The following CNIH3 variants were observed in gnomAD, a reference collection of about 807,000 sequenced individuals.
CNIH3 encodes cornichon family AMPA receptor auxiliary protein 3, also known as protein cornichon homolog 3.
A neutral mutation model predicts 24.1 loss-of-function variants in CNIH3; 14 were observed. The ratio of observed to expected loss-of-function variants is 0.58; its 90% CI spans 0.38 to 0.91. CNIH3 has a LOEUF of 0.91. CNIH3 is among the 40% of genes least tolerant of loss of function. CNIH3 has a pLI of 0.00. For synonymous variants in CNIH3, 68 were observed against 73.8 expected (o/e 0.92, Z 0.40); for missense variants, 178 against 196.8 (o/e 0.90, Z 0.57).
chr1:224,503,738 T>G (rs2124877202), intron 1 of CNIH3, among the ~76,000 whole-genome samples: 1 of 152,348 alleles, frequency 6.6e-6, no homozygotes, highest in Non-Finnish European at 1.5e-5. Context: ...AAAACACAGC[T>G]GTGGCAAGGG....
chr1:224,491,850 C>T (rs1572352727), intron 1 of CNIH3, among the ~76,000 whole-genome samples: 2 of 152,186 alleles, frequency 1.3e-5, no homozygotes, highest in Admixed American at 6.5e-5. Flanking sequence ...TCAAGTGACT[C>T]TCCCACCTCG....
chr1:224,553,386 T>G (rs1037642693), intron 3 of CNIH3, among the ~76,000 whole-genome samples: 1 of 152,116 alleles, frequency 6.6e-6, no homozygotes, highest in African/African-American at 2.4e-5. Context: ...GTGATGCTAC[T>G]TCGCTTGAAA....
At chr1:224,627,989 A>G (rs1158381309) in intron 1 of CNIH3, among the ~76,000 whole-genome samples, 1 of 151,484 alleles carries the variant, frequency 6.6e-6, no homozygotes, top group Non-Finnish European at 1.5e-5. Context: ...AATGGAGGGC[A>G]GGGGCTGTCT....
At chr1:224,465,309 G>A (rs906130680) in intron 1 of CNIH3, among the ~76,000 whole-genome samples, 14 of 152,188 alleles carry the variant, frequency 9.2e-5, no homozygotes, top group African/African-American at 2.2e-4. Flanking sequence ...GGGTTTCTCC[G>A]TGTTGGTCAG....
chr1:224,665,320 C>T (rs761936539), intron 1 of CNIH3, among the ~76,000 whole-genome samples: 1 of 152,126 alleles, frequency 6.6e-6, no homozygotes, highest in African/African-American at 2.4e-5. Flanking sequence ...AAGGAGGTAA[C>T]CTACTTCATC....
intron 3 of CNIH3, among the ~76,000 whole-genome samples, chr1:224,709,144 CTGAG>C (rs1261241839): frequency 3.9e-5 from 6 of 152,318 alleles, no homozygotes; most frequent in East Asian, 3.9e-4. Context: ...ACTTGTGCTC[CTGAG>C]TAAGTGTGGG....
intron 1 of CNIH3, among the ~76,000 whole-genome samples, chr1:224,658,368 G>C (rs1685194860): frequency 6.6e-6 from 1 of 151,310 alleles, no homozygotes; most frequent in Non-Finnish European, 1.5e-5. Flanking sequence ...GTGAGGTTTT[G>C]CCATGTTGCT....
At chr1:224,574,750 A>G in intron 4 of CNIH3, 1 of 1,178,186 alleles carries the variant, frequency 8.5e-7, no homozygotes, top group South Asian at 1.2e-5. Context: ...GACTACCTGG[A>G]CCTCTACCTT....
chr1:224,713,162 A>G (rs1260652747), intron 3 of CNIH3, among the ~76,000 whole-genome samples: 1 of 152,238 alleles, frequency 6.6e-6, no homozygotes, highest in Non-Finnish European at 1.5e-5. Flanking sequence ...GGTATCAAAC[A>G]CACACTGCCC....
At chr1:224,700,634 T>C (rs1410471010) in intron 3 of CNIH3, among the ~76,000 whole-genome samples, 1 of 152,184 alleles carries the variant, frequency 6.6e-6, no homozygotes, top group Non-Finnish European at 1.5e-5. Context: ...TTTATCAAGA[T>C]CAAAAGCAAA....
At chr1:224,503,428 C>T (rs1166432277) in intron 1 of CNIH3, among the ~76,000 whole-genome samples, 1 of 152,146 alleles carries the variant, frequency 6.6e-6, no homozygotes, top group Non-Finnish European at 1.5e-5. Flanking sequence ...CCTGTTTTGA[C>T]CCCACAGGCA....
chr1:224,518,065 C>T (rs74146366), intron 1 of CNIH3, among the ~76,000 whole-genome samples: 5,616 of 152,156 alleles, frequency 0.037, 304 homozygotes, highest in African/African-American at 0.12. Context: ...GAGTGCTGTT[C>T]ATTTCTAGTG....
intron 1 of CNIH3, among the ~76,000 whole-genome samples, chr1:224,495,126 C>A (rs113537891): frequency 0.07 from 10,666 of 152,222 alleles, 1,215 homozygotes; most frequent in African/African-American, 0.24. Flanking sequence ...CCGTGGTAGG[C>A]AGGGGAGACC....
chr1:224,625,707 T>C (rs1572611086), intron 1 of CNIH3, among the ~76,000 whole-genome samples: 1 of 152,044 alleles, frequency 6.6e-6, no homozygotes, highest in Non-Finnish European at 1.5e-5. Flanking sequence ...TGGTTGAAGG[T>C]GTGGAGGAGG....
intron 2 of CNIH3, among the ~76,000 whole-genome samples, chr1:224,524,472 A>G (rs1218274590): frequency 2.0e-5 from 3 of 152,180 alleles, no homozygotes; most frequent in Non-Finnish European, 4.4e-5. Context: ...GTATCAAACT[A>G]TGAATTGCTA....
chr1:224,681,563 G>T (rs1686406586), intron 2 of CNIH3, among the ~76,000 whole-genome samples: 1 of 152,182 alleles, frequency 6.6e-6, no homozygotes, highest in Non-Finnish European at 1.5e-5. Flanking sequence ...CCTGGTCTGG[G>T]TTCGGGAAGT....
Position 224,703,254 on chromosome 1 carries a change from G to T in CNIH3, c.198+18411G>T, listed in dbSNP as rs1483548189. Among the ~76,000 whole-genome samples, 1 of 152,182 alleles carries T rather than the reference G, an allele frequency of 6.6e-6. No homozygotes were observed. Among genetic ancestry groups the T allele is most frequent in the African/African-American group, 2.4e-5 (1 of 41,462 alleles). ...GGGCCTGCACTCATGAGGGCAGAGG[G>T]CTGGCCAAGGTAGACGTGACCACCG... On this transcript the variant is annotated intron_variant, in intron 3 of 5. Transcript: ENST00000272133. This position sits in a 1 kb window ranked among gnomAD's most constrained non-coding sequence, Gnocchi z 4.2.
rs757259102 is a variant in CNIH3, at chr1:224,684,841, A to G, written c.196A>G (p.Lys66Glu). ...CGAGCGCATCTGCTTCCTTCTGCGA[A>G]AGGTCAGTGTGGCAGCTTCATGCCG... Reference protein sequence around the residue: ...NIERICFLLRKLVLPEYSIHS... With the variant: ...NIERICFLLRELVLPEYSIHS... Residue 66 changes from lysine (K) to glutamate (E), a missense_variant and splice_region_variant, in exon 3 of 6, where the codon AAG becomes GAG. Transcript: ENST00000272133. The surrounding 1 kb of genome is among the most constrained non-coding windows in gnomAD (Gnocchi z 4.2). The G allele has an allele frequency of 6.2e-7, 1 of 1,614,002 alleles. No individual in the cohort carries two copies. The highest frequency in any genetic ancestry group is 8.5e-7 in the Non-Finnish European group (1 of 1,179,868).
At chr1:224,652,010 G>A (rs753772522) in intron 1 of CNIH3, among the ~76,000 whole-genome samples, 2 of 152,126 alleles carry the variant, frequency 1.3e-5, no homozygotes, top group African/African-American at 2.4e-5. Flanking sequence ...TCCATTAGGT[G>A]TAAAATGATA....
Sources: gnomAD v4.1 joint callset for allele counts (sites outside exome capture counted in the v4.1 genomes callset) on GRCh38, gnomAD v4.1.1 for gene constraint, Gnocchi (gnomAD v3.1) non-coding constraint, MANE v1.5 for transcripts, NCBI Gene and HGNC (gene_info 2026-07-23, HGNC 2026-07-21) for gene names.